Variants in LHFPL3 observed in about 807,000 individuals in gnomAD.
The protein encoded by LHFPL3 is LHFPL tetraspan subfamily member 3 protein.
LHFPL3 carries 5 observed loss-of-function variants against 19.3 expected under a neutral mutation model. The observed-to-expected ratio is 0.26, with a 90% CI of 0.14 to 0.54. The LOEUF (loss-of-function observed/expected upper bound fraction) is 0.54, where lower values mean the gene tolerates loss of function less well. Among genes scored for constraint, LHFPL3 ranks in the 20% least tolerant of loss-of-function variants. The pLI is 0.94. For synonymous variants in LHFPL3, 133 were observed against 126.2 expected (o/e 1.05, Z -0.36); for missense variants, 249 against 307.4 (o/e 0.81, Z 1.42).
chr7:104,403,140 C>T (rs899511336), intron 1 of LHFPL3, among the ~76,000 whole-genome samples: 1 of 152,124 alleles, frequency 6.6e-6, no homozygotes, highest in African/African-American at 2.4e-5. Context: ...CATGTGTATA[C>T]CTATGTAACA....
At chr7:104,578,447 C>A (rs1212268127) in intron 1 of LHFPL3, among the ~76,000 whole-genome samples, 2 of 152,086 alleles carry the variant, frequency 1.3e-5, no homozygotes, top group Non-Finnish European at 2.9e-5. Context: ...GGTTCTAGGC[C>A]CCAGGCAGGT....
chr7:104,468,143 C>A (rs1206736174), intron 1 of LHFPL3, among the ~76,000 whole-genome samples: 1 of 152,200 alleles, frequency 6.6e-6, no homozygotes, highest in Non-Finnish European at 1.5e-5. Context: ...CTGCTGCAAC[C>A]CGGAGGTCAG....
intron 1 of LHFPL3, among the ~76,000 whole-genome samples, chr7:104,483,125 C>A (rs1793168066): frequency 6.6e-6 from 1 of 152,186 alleles, no homozygotes; most frequent in South Asian, 2.1e-4. Context: ...TGAAAATATG[C>A]TCAATGTGAT....
At chr7:104,546,194 A>G (rs776446628) in intron 1 of LHFPL3, among the ~76,000 whole-genome samples, 11 of 152,192 alleles carry the variant, frequency 7.2e-5, no homozygotes, top group Admixed American at 2.0e-4. Flanking sequence ...TAATAGATGT[A>G]TGCTGTTTGC....
At chr7:104,762,927 C>A (rs576522160) in intron 2 of LHFPL3, among the ~76,000 whole-genome samples, 1 of 152,172 alleles carries the variant, frequency 6.6e-6, no homozygotes, top group Non-Finnish European at 1.5e-5. Context: ...CAAGGCTCTG[C>A]AGTCTGCCCC....
intron 1 of LHFPL3, among the ~76,000 whole-genome samples, chr7:104,531,140 A>G (rs1419965426): frequency 6.6e-6 from 1 of 152,212 alleles, no homozygotes; most frequent in Non-Finnish European, 1.5e-5. Flanking sequence ...ACAAATGGAC[A>G]TTTTTTAATG....
At chr7:104,459,760 G>A (rs977573253) in intron 1 of LHFPL3, among the ~76,000 whole-genome samples, 4 of 152,054 alleles carry the variant, frequency 2.6e-5, no homozygotes, top group African/African-American at 7.2e-5. Context: ...ATTTGAGTAA[G>A]GTATACTCCT....
chr7:104,447,205 A>G (rs752988131), intron 1 of LHFPL3, among the ~76,000 whole-genome samples: 2 of 152,190 alleles, frequency 1.3e-5, no homozygotes, highest in Non-Finnish European at 2.9e-5. Flanking sequence ...CTCAGACTGC[A>G]TGCAGAGTGT....
intron 1 of LHFPL3, among the ~76,000 whole-genome samples, chr7:104,398,819 C>T (rs1791248892): frequency 6.8e-6 from 1 of 146,004 alleles, no homozygotes; most frequent in East Asian, 2.0e-4. Flanking sequence ...TTGTCACCTC[C>T]TTCTGGAAAT....
chr7:104,695,986 T>C (rs1020953110), intron 1 of LHFPL3, among the ~76,000 whole-genome samples: 3 of 152,196 alleles, frequency 2.0e-5, no homozygotes, highest in African/African-American at 7.2e-5. Context: ...AGTCTCACTC[T>C]GTTGCCCAGA....
intron 1 of LHFPL3, among the ~76,000 whole-genome samples, chr7:104,683,467 T>C (rs1792749309): frequency 6.6e-6 from 1 of 152,268 alleles, no homozygotes; most frequent in Non-Finnish European, 1.5e-5. Context: ...GTTTCTAATG[T>C]TGTTGACTAT....
intron 2 of LHFPL3, among the ~76,000 whole-genome samples, chr7:104,768,197 A>C (rs1281427733): frequency 6.6e-6 from 1 of 151,372 alleles, no homozygotes. Flanking sequence ...CTTACTGGAA[A>C]TATCTCAGAT....
intron 2 of LHFPL3, among the ~76,000 whole-genome samples, chr7:104,864,414 A>AC (rs1791680073): frequency 6.6e-6 from 1 of 152,016 alleles, no homozygotes; most frequent in African/African-American, 2.4e-5. Context: ...GGTCACTCCC[A>AC]CCCTAATACT....
At chr7:104,632,028 G>A (rs933653192) in intron 1 of LHFPL3, among the ~76,000 whole-genome samples, 1 of 152,166 alleles carries the variant, frequency 6.6e-6, no homozygotes, top group Non-Finnish European at 1.5e-5. Flanking sequence ...TTTGGATAGG[G>A]ATGGGACAGA....
At chr7:104,558,330 TC>T (rs1359743327) in intron 1 of LHFPL3, among the ~76,000 whole-genome samples, 3 of 146,532 alleles carry the variant, frequency 2.0e-5, no homozygotes, top group Non-Finnish European at 3.0e-5. Context: ...CCACATCCTC[TC>T]CAGCACCTGT....
At chr7:104,558,706 G>A (rs1376203433) in intron 1 of LHFPL3, among the ~76,000 whole-genome samples, 1 of 150,582 alleles carries the variant, frequency 6.6e-6, no homozygotes. Context: ...TGTTAATTTT[G>A]GCTTTTGTTG....
At chr7:104,556,038 T>C (rs998976170) in intron 1 of LHFPL3, among the ~76,000 whole-genome samples, 5 of 152,356 alleles carry the variant, frequency 3.3e-5, no homozygotes, top group African/African-American at 1.2e-4. Context: ...TGGGCTCCCA[T>C]GGCCTTAGGC....
chr7:104,448,828 A>C (rs1297792224), intron 1 of LHFPL3, among the ~76,000 whole-genome samples: 1 of 152,200 alleles, frequency 6.6e-6, no homozygotes, highest in African/African-American at 2.4e-5. Flanking sequence ...TAGGCCCTGG[A>C]AAAAATGTTT....
At chr7:104,571,319 A>G (rs1259908789) in intron 1 of LHFPL3, among the ~76,000 whole-genome samples, 5 of 152,218 alleles carry the variant, frequency 3.3e-5, no homozygotes, top group Admixed American at 3.3e-4. Flanking sequence ...TCATTAAACC[A>G]AACTCTTTCC....
Sources: allele counts gnomAD v4.1 joint callset (sites outside exome capture counted in the v4.1 genomes callset), GRCh38; gene constraint gnomAD v4.1.1; transcripts MANE v1.5; gene names NCBI Gene and HGNC (gene_info 2026-07-23, HGNC 2026-07-21).